NGLY1: variants seen among roughly 807,000 people sequenced by gnomAD.
NGLY1 encodes the protein peptide-N(4)-(N-acetyl-beta-glucosaminyl)asparagine amidase.
A neutral mutation model predicts 84.6 loss-of-function variants in NGLY1; 68 were observed. The observed-to-expected ratio is 0.80, with a 90% CI of 0.66 to 0.98. The LOEUF is 0.98. NGLY1 is among the 50% of genes least tolerant of loss of function. The pLI is 0.00. For synonymous variants in NGLY1, 280 were observed against 275.2 expected, an observed-to-expected ratio of 1.02 and a Z score of -0.17; for missense variants, 779 against 770.2, an observed-to-expected ratio of 1.01 and a Z score of -0.14.
intron 1 of NGLY1, chr3:25,782,764 C>T (rs1300383103): frequency 6.5e-6 from 1 of 154,310 alleles, no homozygotes; most frequent in Non-Finnish European, 1.4e-5. Context: ...TGCTTTAGTA[C>T]TCGGATAGTC....
upstream of NGLY1, among the ~76,000 whole-genome samples, chr3:25,787,733 C>T (rs1050657347): frequency 6.6e-6 from 1 of 152,292 alleles, no homozygotes; most frequent in East Asian, 1.9e-4. Flanking sequence ...GGGATTAAAT[C>T]CAAAGTCCTC....
chr3:25,726,494 G>C (rs1705269667), intron 10 of NGLY1, among the ~76,000 whole-genome samples: 1 of 152,146 alleles, frequency 6.6e-6, no homozygotes, highest in South Asian at 2.1e-4. Flanking sequence ...GGGACCTGAG[G>C]GAGTGAGGCT....
At chr3:25,736,447 T>G (rs1705830684) in intron 6 of NGLY1, 10 of 1,450,724 alleles carry the variant, frequency 6.9e-6, no homozygotes, top group Non-Finnish European at 9.4e-6. Context: ...AATATCATCC[T>G]GAGTTTACTA....
intron 2 of NGLY1, among the ~76,000 whole-genome samples, chr3:25,767,918 TGC>T (rs1164880475): frequency 2.3e-4 from 4 of 17,390 alleles, no homozygotes; most frequent in African/African-American, 2.9e-4. Flanking sequence ...CTGACCAGCC[TGC>T]TGGCCAACAT....
chr3:25,751,097 C>T lies in NGLY1; in HGVS notation c.658+1G>A, dbSNP rs756045177. The T allele has an allele frequency of 1.2e-6, 2 of 1,609,490 alleles. No individual in the cohort carries two copies. Among genetic ancestry groups the T allele is most frequent in the Admixed American group, 3.4e-5 (2 of 59,132 alleles). ...AATAAATGATTATGTAAAGCTACTACCTTTATCCAATTTTCTAGCTCTCGA... is the reference window on the plus strand; with the variant it reads ...AATAAATGATTATGTAAAGCTACTATCTTTATCCAATTTTCTAGCTCTCGA... On this transcript the variant is annotated splice_donor_variant, in intron 4 of 11. Coordinates refer to ENST00000280700, the MANE Select transcript of NGLY1 (RefSeq NM_018297.4). LOFTEE classifies it high-confidence loss of function.
intron 4 of NGLY1, among the ~76,000 whole-genome samples, chr3:25,744,975 A>T (rs1448792820): frequency 6.6e-6 from 1 of 152,236 alleles, no homozygotes; most frequent in East Asian, 1.9e-4. Flanking sequence ...ACATGAGAAA[A>T]TAATCTCTAA....
intron 2 of NGLY1, among the ~76,000 whole-genome samples, chr3:25,771,545 G>GT (rs1707891658): frequency 6.6e-6 from 1 of 151,870 alleles, no homozygotes; most frequent in African/African-American, 2.4e-5. Context: ...TTTTAGGACT[G>GT]TTTTTTTCTA....
At chr3:25,741,503 A>G (rs867656913) in intron 4 of NGLY1, among the ~76,000 whole-genome samples, 1 of 152,166 alleles carries the variant, frequency 6.6e-6, no homozygotes, top group Non-Finnish European at 1.5e-5. Context: ...ATATAAAATA[A>G]TAGAAGTTTA....
At chr3:25,729,394 AGTG>A in intron 9 of NGLY1, 76 bp from the exon 10 acceptor site, 1 of 906,030 alleles carries the variant, frequency 1.1e-6, no homozygotes, top group Non-Finnish European at 1.5e-6. Context: ...TACTAAGCAG[AGTG>A]GTAAGAGAAT....
chr3:25,737,390 A>G lies in NGLY1; in HGVS notation c.947T>C (p.Phe316Ser). The change falls in exon 6 of 12, where the codon TTT becomes TCT. Residue 316 changes from phenylalanine to serine, a missense_variant. Coordinates refer to ENST00000280700, the MANE Select transcript of NGLY1 (RefSeq NM_018297.4). Reference sequence around the variant, plus strand: ...CCCTACAGCTCGGCAGCACAGTGTAAAACAATTGGCCCACTCGCCACACCG... The same window carrying G: ...CCCTACAGCTCGGCAGCACAGTGTAGAACAATTGGCCCACTCGCCACACCG... ...CGRCGEWANC[F>S]TLCCRAVGFE... The G allele has an allele frequency of 1.2e-6, 2 of 1,614,072 alleles. No homozygotes were observed. Among genetic ancestry groups the G allele is most frequent in the Non-Finnish European group, 1.7e-6 (2 of 1,179,986 alleles).
intron 5 of NGLY1, among the ~76,000 whole-genome samples, chr3:25,737,975 A>G (rs1451826059): frequency 3.3e-5 from 5 of 152,264 alleles, no homozygotes; most frequent in Non-Finnish European, 7.3e-5. Context: ...AGGGATGAAC[A>G]CAAATAATTT....
At chr3:25,747,026 G>T (rs1706471679) in intron 4 of NGLY1, among the ~76,000 whole-genome samples, 1 of 152,076 alleles carries the variant, frequency 6.6e-6, no homozygotes, top group Admixed American at 6.6e-5. Context: ...AGTACAGACG[G>T]GGTTTCACCA....
intron 4 of NGLY1, among the ~76,000 whole-genome samples, chr3:25,745,016 T>A (rs1006209997): frequency 5.3e-5 from 8 of 152,218 alleles, no homozygotes; most frequent in Admixed American, 1.3e-4. Context: ...TAGCACAACC[T>A]AATCCTAATT....
rs911529665 is a variant in NGLY1 at position 25,768,030 on chromosome 3, T to C, written c.247-3719A>G. Among the ~76,000 whole-genome samples, 3 of 145,442 alleles carry C rather than the reference T, an allele frequency of 2.1e-5. No individual in the cohort carries two copies. In the Admixed American group the frequency reaches 2.2e-4, roughly 10 times the overall value. ...CGGGAGGCTGAGGCAAGAGAATCAC[T>C]TGAACCCCAGAGGCGGTGGTTGCAG... On this transcript the variant is annotated intron_variant, in intron 2 of 11. Transcript: ENST00000280700.
At chr3:25,769,865 G>A (rs1187906687) in intron 2 of NGLY1, among the ~76,000 whole-genome samples, 1 of 151,828 alleles carries the variant, frequency 6.6e-6, no homozygotes, top group Non-Finnish European at 1.5e-5. Context: ...AAGTTCTTTA[G>A]TGGTAATTTC....
Position 25,736,023 on chromosome 3 carries a change from A to G in NGLY1, c.1130T>C (p.Ile377Thr). 1.2e-6 allele frequency: 2 copies of G among 1,612,926 alleles called. No homozygotes were observed. The highest frequency in any genetic ancestry group is 1.7e-6 in the Non-Finnish European group (2 of 1,179,542). ...IGWGKKLSYV[I>T]AFSKDEVVDV... ...CTCTACCTCATCTTTTGAAAATGCTATGACATAGGAAAGCTTCTTGCCCCA... is the reference window on the plus strand; with the variant it reads ...CTCTACCTCATCTTTTGAAAATGCTGTGACATAGGAAAGCTTCTTGCCCCA... Residue 377 changes from isoleucine to threonine, a missense_variant, in exon 7 of 12, where the codon ATA (isoleucine) becomes ACA (threonine). Coordinates refer to ENST00000280700, the MANE Select transcript of NGLY1 (RefSeq NM_018297.4).
chr3:25,785,695 T>C (rs756228630), upstream of NGLY1, among the ~76,000 whole-genome samples: 14 of 151,408 alleles, frequency 9.2e-5, no homozygotes, highest in African/African-American at 1.5e-4. Context: ...AACAAAAACA[T>C]AGGAAGATTG....
At chr3:25,760,249 T>TA (rs1707242095) in intron 3 of NGLY1, among the ~76,000 whole-genome samples, 1 of 152,168 alleles carries the variant, frequency 6.6e-6, no homozygotes, top group South Asian at 2.1e-4. Flanking sequence ...TCCAAACCTT[T>TA]AAAAAAATGA....
upstream of NGLY1, among the ~76,000 whole-genome samples, chr3:25,785,521 CT>C (rs35504148): frequency 0.024 from 3,308 of 140,576 alleles, 121 homozygotes; most frequent in African/African-American, 0.078. Context: ...TGCAACAGAA[CT>C]TTTTTTTTTT....
Sources: gnomAD v4.1 joint callset for allele counts (sites outside exome capture counted in the v4.1 genomes callset) on GRCh38, gnomAD v4.1.1 for gene constraint, MANE v1.5 for transcripts, NCBI Gene and HGNC (gene_info 2026-07-23, HGNC 2026-07-21) for gene names.